The following MAGI2 variants were observed in gnomAD, a reference collection of about 807,000 sequenced individuals.
MAGI2 encodes membrane associated guanylate kinase, WW and PDZ domain containing 2, also known as membrane-associated guanylate kinase, WW and PDZ domain-containing protein 2.
A neutral mutation model predicts 133.3 loss-of-function variants in MAGI2; 35 were observed. The observed-to-expected ratio is 0.26, with a 90% CI of 0.20 to 0.35. The LOEUF is 0.35. Ranked by LOEUF, MAGI2 falls within the 10% of genes least tolerant of loss-of-function variation. MAGI2 has a pLI of 1.00. For missense variants in MAGI2, 1,636 were observed against 1,863.4 expected (o/e 0.88, Z 2.25); for synonymous variants, 729 against 710.6 (o/e 1.03, Z -0.41).
chr7:78,335,274 C>T (rs1461932880), intron 9 of MAGI2, among the ~76,000 whole-genome samples: 2 of 152,180 alleles, frequency 1.3e-5, no homozygotes, highest in African/African-American at 2.4e-5. Flanking sequence ...AACATCTGAT[C>T]TGAGTACATG....
At chr7:79,355,343 A>C (rs1009967140) in intron 1 of MAGI2, among the ~76,000 whole-genome samples, 1 of 147,566 alleles carries the variant, frequency 6.8e-6, no homozygotes, top group African/African-American at 2.5e-5. Context: ...AAATAAACAA[A>C]CAAAAAAACA....
At chr7:78,287,815 A>G (rs1796298257) in intron 9 of MAGI2, among the ~76,000 whole-genome samples, 1 of 152,200 alleles carries the variant, frequency 6.6e-6, no homozygotes, top group African/African-American at 2.4e-5. Context: ...TAATATAAGA[A>G]GCTAACCTAC....
At chr7:78,941,728 TCACACACACACACA>T (rs3068585) in intron 2 of MAGI2, among the ~76,000 whole-genome samples, 181 of 123,462 alleles carry the variant, frequency 1.5e-3, no homozygotes, top group African/African-American at 4.7e-3. Flanking sequence ...GCCTATTTCA[TCACACACACACACA>T]CACACACACA....
At chr7:78,315,350 C>T (rs1021454426) in intron 9 of MAGI2, among the ~76,000 whole-genome samples, 4 of 152,262 alleles carry the variant, frequency 2.6e-5, no homozygotes, top group African/African-American at 9.6e-5. Flanking sequence ...CAGGGTTTCA[C>T]ATTTTGCCAT....
intron 1 of MAGI2, among the ~76,000 whole-genome samples, chr7:79,319,110 T>C (rs1010804183): frequency 1.9e-4 from 29 of 152,146 alleles, no homozygotes; most frequent in Non-Finnish European, 3.7e-4. Flanking sequence ...AGGCTAGTTT[T>C]AGAATATTTA....
chr7:78,160,005 A>T lies in MAGI2; in HGVS notation c.2845+20T>A, dbSNP rs1007995656. On this transcript the variant is annotated intron_variant, in intron 16 of 21. Coordinates refer to ENST00000354212, the MANE Select transcript of MAGI2 (RefSeq NM_012301.4). The stretch of plus-strand genomic sequence containing the variant: ...AAAACAAGACCCCTTATTCAAATGC[A>T]GGCAAATTTCAGCACTTACTTATAG... 2.6e-6 allele frequency: 4 copies of T among 1,530,026 alleles called. No individual in the cohort carries two copies. The Admixed American group carries it at 6.1e-5, about 23-fold the overall frequency. 94.8% of individuals were successfully genotyped at this position (1,530,026 alleles called of 1,614,324 possible).
At chr7:78,552,864 C>T (rs1046859404) in intron 3 of MAGI2, among the ~76,000 whole-genome samples, 3 of 151,960 alleles carry the variant, frequency 2.0e-5, no homozygotes, top group African/African-American at 2.4e-5. Flanking sequence ...GAAACAAGTT[C>T]GAAGGCAGAG....
Position 78,127,483 on chromosome 7 carries a change from G to C in MAGI2, c.3204-67C>G, listed in dbSNP as rs73364760. On this transcript the variant is annotated intron_variant, in intron 18 of 21. Coordinates refer to ENST00000354212, the MANE Select transcript of MAGI2 (RefSeq NM_012301.4). ...TCTAAAGAGGCTAGAGTGATCACACGGCCTCCAGAGGTGGGCCAGCCATGA... is the reference window on the plus strand; with the variant it reads ...TCTAAAGAGGCTAGAGTGATCACACCGCCTCCAGAGGTGGGCCAGCCATGA... 2,699 of 1,231,944 alleles carry C rather than the reference G, an allele frequency of 2.2e-3. 41 individuals carry two copies. In the African/African-American group the frequency reaches 0.036, roughly 17 times the overall value. The allele number at this position is 1,231,944 out of a possible 1,614,324, so 76.3% of individuals were successfully genotyped here. A position where few individuals can be genotyped will look rare whatever the true frequency, so the allele number is the denominator to read the frequency against.
chr7:79,114,086 G>A (rs912091214), intron 1 of MAGI2, among the ~76,000 whole-genome samples: 1 of 151,910 alleles, frequency 6.6e-6, no homozygotes. Flanking sequence ...ATCCAAACTG[G>A]GATTGCCATT....
At chr7:79,188,917 T>G (rs756809984) in intron 1 of MAGI2, among the ~76,000 whole-genome samples, 4 of 151,856 alleles carry the variant, frequency 2.6e-5, no homozygotes, top group Non-Finnish European at 5.9e-5. Context: ...CTAACTTACT[T>G]TTCTTCCTAA....
intron 1 of MAGI2, among the ~76,000 whole-genome samples, chr7:79,300,119 A>C (rs555706990): frequency 1.1e-4 from 16 of 152,140 alleles, no homozygotes; most frequent in African/African-American, 3.9e-4. Flanking sequence ...ATCAGTACTG[A>C]GAAGTGAGGC....
rs1182410238 is a variant in MAGI2 at position 78,044,281 on chromosome 7, A to G, written c.3707-24305T>C. 2.0e-5 allele frequency among the ~76,000 whole-genome samples: 3 copies of G among 152,282 alleles called. No individual in the cohort carries two copies. The South Asian group carries it at 6.2e-4, about 32-fold the overall frequency. ...TATGGCTGCTTTAACTAATAGAGGCATGTGTGTATGTCTGTATAGGACTAG... is the reference window on the plus strand; with the variant it reads ...TATGGCTGCTTTAACTAATAGAGGCGTGTGTGTATGTCTGTATAGGACTAG... On this transcript the variant is annotated intron_variant, in intron 21 of 21. Transcript: ENST00000354212.
chr7:79,124,499 C>T (rs1225676937), intron 1 of MAGI2, among the ~76,000 whole-genome samples: 1 of 152,154 alleles, frequency 6.6e-6, no homozygotes, highest in African/African-American at 2.4e-5. Context: ...TACTGACTCC[C>T]AAGTTTGCGC....
chr7:78,906,728 G>A (rs1006390233), intron 2 of MAGI2, among the ~76,000 whole-genome samples: 15 of 148,874 alleles, frequency 1.0e-4, no homozygotes, highest in African/African-American at 3.6e-4. Context: ...AGGATGATAT[G>A]CTATAATAAA....
chr7:79,011,121 G>C (rs993925627), intron 1 of MAGI2: 26 of 152,260 alleles, frequency 1.7e-4, no homozygotes, highest in Admixed American at 5.9e-4. Context: ...GAACAATGGT[G>C]GGGTGGGGAG....
intron 5 of MAGI2, among the ~76,000 whole-genome samples, chr7:78,495,713 A>G (rs1261283305): frequency 1.3e-5 from 2 of 152,186 alleles, no homozygotes; most frequent in East Asian, 1.9e-4. Flanking sequence ...TCTTAAGCAT[A>G]TGAATATTTG....
At position 78,137,929 on chromosome 7, in the gene MAGI2, AAT is replaced by A. The variant is rs1430362999; in HGVS notation, c.2846-2725_2846-2724del. ...TGAGCCAAGCACTGTGCTAAGTGAT[AAT>A]ATATGTGTGTATATATATGTATATA... is the stretch of plus-strand genomic sequence containing the variant. On this transcript the variant is annotated intron_variant, in intron 16 of 21. Coordinates refer to ENST00000354212, the MANE Select transcript of MAGI2 (RefSeq NM_012301.4). 2.5e-3 allele frequency among the ~76,000 whole-genome samples: 9 copies of A among 3,636 alleles called. No individual in the cohort carries two copies. In the East Asian group the frequency reaches 0.026, roughly 11 times the overall value. 2.4% of individuals were successfully genotyped at this position (3,636 alleles called of 152,430 possible). A position where few individuals can be genotyped will look rare whatever the true frequency, so the allele number is the denominator to read the frequency against.
chr7:78,387,457 T>C (rs985315770), intron 6 of MAGI2, among the ~76,000 whole-genome samples: 14 of 152,042 alleles, frequency 9.2e-5, no homozygotes, highest in African/African-American at 3.4e-4. Flanking sequence ...GAGAAACCAA[T>C]TGGGGAAAAG....
chr7:79,290,166 AC>A (rs1836351546), intron 1 of MAGI2, among the ~76,000 whole-genome samples: 1 of 152,068 alleles, frequency 6.6e-6, no homozygotes, highest in Non-Finnish European at 1.5e-5. Flanking sequence ...TTCTAAGGGT[AC>A]TATTGCTATT....
Sources: gnomAD v4.1 joint callset for allele counts (sites outside exome capture counted in the v4.1 genomes callset) on GRCh38, gnomAD v4.1.1 for gene constraint, MANE v1.5 for transcripts, NCBI Gene and HGNC (gene_info 2026-07-23, HGNC 2026-07-21) for gene names.